The following SH3GL2 variants were observed in gnomAD, a reference collection of about 807,000 sequenced individuals.
SH3GL2 encodes SH3 domain containing GRB2 like 2, endophilin A1, also known as endophilin-A1.
A neutral mutation model predicts 46.0 loss-of-function variants in SH3GL2; 24 were observed. That is an observed-to-expected ratio of 0.52 (90% CI 0.38 to 0.73). The LOEUF (loss-of-function observed/expected upper bound fraction) is 0.73, where lower values mean the gene tolerates loss of function less well. Ranked by LOEUF, SH3GL2 falls within the 30% of genes least tolerant of loss-of-function variation. The pLI, the probability that SH3GL2 is intolerant of heterozygous loss-of-function variation, is 0.00. For synonymous variants in SH3GL2, 196 were observed against 147.1 expected (o/e 1.33, Z -2.40); for missense variants, 413 against 424.2 (o/e 0.97, Z 0.23).
intron 3 of SH3GL2, among the ~76,000 whole-genome samples, chr9:17,762,363 A>T (rs80201945): frequency 1.3e-5 from 2 of 151,110 alleles, no homozygotes; most frequent in East Asian, 2.0e-4. Context: ...TTCAGCCCCA[A>T]TGAGTTTGGA....
intron 1 of SH3GL2, among the ~76,000 whole-genome samples, chr9:17,680,127 G>A (rs1200691927): frequency 6.6e-6 from 1 of 152,140 alleles, no homozygotes; most frequent in Non-Finnish European, 1.5e-5. Context: ...TTGGTATCAG[G>A]ATGATGCTGG....
At chr9:17,632,386 TATTTTGA>T (rs759020019) in intron 1 of SH3GL2, among the ~76,000 whole-genome samples, 19 of 152,156 alleles carry the variant, frequency 1.2e-4, no homozygotes, top group Non-Finnish European at 2.2e-4. Flanking sequence ...CTACAGTAAT[TATTTTGA>T]TTTTTGATTT....
At chr9:17,641,025 C>A (rs1421830965) in intron 1 of SH3GL2, among the ~76,000 whole-genome samples, 1 of 152,068 alleles carries the variant, frequency 6.6e-6, no homozygotes, top group South Asian at 2.1e-4. Context: ...ATTGTAGAAT[C>A]CCTTTGATTA....
chr9:17,699,746 T>A (rs1207016575), intron 1 of SH3GL2, among the ~76,000 whole-genome samples: 2 of 152,246 alleles, frequency 1.3e-5, no homozygotes, highest in Non-Finnish European at 2.9e-5. Context: ...CATCATCCAT[T>A]TTCTGTGTTA....
chr9:17,776,240 TG>T (rs1823638022), intron 3 of SH3GL2, among the ~76,000 whole-genome samples: 1 of 152,148 alleles, frequency 6.6e-6, no homozygotes, highest in Non-Finnish European at 1.5e-5. Flanking sequence ...AAATCTCATT[TG>T]TGATAAACCT....
intron 1 of SH3GL2, among the ~76,000 whole-genome samples, chr9:17,602,197 A>G (rs1260659824): frequency 6.6e-6 from 1 of 152,154 alleles, no homozygotes; most frequent in African/African-American, 2.4e-5. Flanking sequence ...TGGCATTTCA[A>G]CACCTTCCTC....
In SH3GL2 at chr9:17,789,340, A is replaced by G. The variant is rs1588338777; in HGVS notation, c.466-52A>G. The G allele has an allele frequency of 4.0e-6, 6 of 1,489,212 alleles. No homozygotes were observed. In the East Asian group the frequency reaches 1.4e-4, roughly 34 times the overall value. 92.2% of individuals were successfully genotyped at this position (1,489,212 alleles called of 1,614,324 possible). ...CGTGATGGAGAAGTGAGCTCAAATA[A>G]GCCTTTTCCATAAGCCCTTTCAAAG... On this transcript the variant is annotated intron_variant, in intron 5 of 8. Coordinates refer to ENST00000380607, the MANE Select transcript of SH3GL2 (RefSeq NM_003026.5).
intron 1 of SH3GL2, among the ~76,000 whole-genome samples, chr9:17,698,335 C>G (rs80241421): frequency 0.02 from 3,047 of 152,230 alleles, 119 homozygotes; most frequent in African/African-American, 0.07. Context: ...CTTTTAATAT[C>G]AGCTTCATAC....
At chr9:17,610,043 G>T (rs557530791) in intron 1 of SH3GL2, among the ~76,000 whole-genome samples, 1 of 151,814 alleles carries the variant, frequency 6.6e-6, no homozygotes, top group African/African-American at 2.4e-5. Flanking sequence ...TTCCTAAATC[G>T]GTCAATGTAT....
rs768338997 is a variant in SH3GL2 at position 17,795,638 on chromosome 9, A to G, written c.954A>G (p.Thr318=). The change falls in exon 9 of 9, where the codon ACA becomes ACG. Residue 318 remains threonine (T), a synonymous_variant. Coordinates refer to ENST00000380607, the MANE Select transcript of SH3GL2 (RefSeq NM_003026.5). ...ELGFKEGDII[T]LTNQIDENWY... ...GATTTAAAGAGGGCGATATCATCACACTCACTAACCAAATTGATGAGAACT... is the reference window on the plus strand; with the variant it reads ...GATTTAAAGAGGGCGATATCATCACGCTCACTAACCAAATTGATGAGAACT... 1 of 1,613,612 alleles carries G rather than the reference A, an allele frequency of 6.2e-7. No individual in the cohort carries two copies. The highest frequency in any genetic ancestry group is 2.2e-5 in the East Asian group (1 of 44,858).
At chr9:17,696,745 T>G (rs546058227) in intron 1 of SH3GL2, among the ~76,000 whole-genome samples, 1 of 152,158 alleles carries the variant, frequency 6.6e-6, no homozygotes, top group African/African-American at 2.4e-5. Flanking sequence ...GGAACTACAA[T>G]TGAAGATGAG....
intron 1 of SH3GL2, among the ~76,000 whole-genome samples, chr9:17,585,811 G>A (rs891347866): frequency 6.6e-6 from 1 of 152,172 alleles, no homozygotes; most frequent in African/African-American, 2.4e-5. Flanking sequence ...TACCTGGGTG[G>A]GGTGTTCACA....
chr9:17,736,359 G>T (rs984425256), intron 1 of SH3GL2, among the ~76,000 whole-genome samples: 10 of 152,030 alleles, frequency 6.6e-5, no homozygotes, highest in African/African-American at 1.9e-4. Context: ...GTCCTAATTT[G>T]TCAGTAAACA....
At chr9:17,676,929 C>G (rs554000209) in intron 1 of SH3GL2, among the ~76,000 whole-genome samples, 128 of 152,254 alleles carry the variant, frequency 8.4e-4, no homozygotes, top group Non-Finnish European at 1.2e-3. Flanking sequence ...GGTGTCTGCT[C>G]TATGTGCCAA....
chr9:17,712,961 A>G lies in SH3GL2; in HGVS notation c.46-34105A>G, dbSNP rs191411123. On this transcript the variant is annotated intron_variant, in intron 1 of 8. Transcript: ENST00000380607. The stretch of plus-strand genomic sequence containing the variant: ...GAACATTCTTGCCGTGTTCCTGATC[A>G]TAGAGAAAAAGCATTCAGTCTTTCA... Among the ~76,000 whole-genome samples the G allele has an allele frequency of 2.0e-3, 296 of 151,146 alleles. 2 individuals are homozygous for G. The highest frequency in any genetic ancestry group is 6.9e-3 in the African/African-American group (286 of 41,326).
In SH3GL2 at chr9:17,622,285, T is replaced by C. The variant is rs192206149; in HGVS notation, c.45+42998T>C. 1.4e-3 allele frequency among the ~76,000 whole-genome samples: 216 copies of C among 152,268 alleles called. 1 individual carries two copies. Among genetic ancestry groups the C allele is most frequent in the Non-Finnish European group, 2.0e-3 (134 of 68,018 alleles). On this transcript the variant is annotated intron_variant, in intron 1 of 8. Transcript: ENST00000380607. ...GTAATCCCCCCAAACAGTCATCAAC[T>C]AGGAGAATCGTAATATGCAAATAAG...
At chr9:17,653,974 G>A (rs1324360527) in intron 1 of SH3GL2, 2 of 351,918 alleles carry the variant, frequency 5.7e-6, no homozygotes, top group Non-Finnish European at 4.0e-6. Context: ...TCTGGGAAGA[G>A]CAGTTGTGTG....
chr9:17,669,036 A>G (rs773980074), intron 1 of SH3GL2, among the ~76,000 whole-genome samples: 15 of 152,214 alleles, frequency 9.9e-5, no homozygotes, highest in Non-Finnish European at 2.2e-4. Flanking sequence ...GCATATGTAT[A>G]TGAGTCTATT....
intron 1 of SH3GL2, among the ~76,000 whole-genome samples, chr9:17,663,325 A>G (rs1563802633): frequency 6.6e-6 from 1 of 152,108 alleles, no homozygotes; most frequent in East Asian, 1.9e-4. Flanking sequence ...GTTTTTTTGT[A>G]TTAGATTTGC....
Sources: gnomAD v4.1 joint callset for allele counts (sites outside exome capture counted in the v4.1 genomes callset) on GRCh38, gnomAD v4.1.1 for gene constraint, MANE v1.5 for transcripts, NCBI Gene and HGNC (gene_info 2026-07-23, HGNC 2026-07-21) for gene names.